CHD6: variants seen among roughly 807,000 people sequenced by gnomAD.
The protein encoded by CHD6 is chromodomain helicase DNA binding protein 6, also known as ATP-dependent chromatin remodeler CHD6.
In CHD6, 50 loss-of-function variants were observed where a neutral mutation model predicts 276.9. The ratio of observed to expected loss-of-function variants is 0.18; its 90% CI spans 0.14 to 0.23. The LOEUF is 0.23. CHD6 is among the 10% of genes least tolerant of loss of function. The probability of loss-of-function intolerance (pLI) is 1.00; values close to 1 mark genes in which losing one functional copy is unlikely to be tolerated. For synonymous variants in CHD6, 1,173 were observed against 1,229.3 expected, an observed-to-expected ratio of 0.95 and a Z score of 0.96; for missense variants, 2,564 against 3,365.8, an observed-to-expected ratio of 0.76 and a Z score of 5.89.
At position 41,455,867 on chromosome 20, in the gene CHD6, T is replaced by C; in HGVS notation, c.2942A>G (p.Gln981Arg). The change falls in exon 19 of 37, where the codon CAG becomes CGG. Residue 981 changes from glutamine (Q) to arginine (R), a missense_variant. Physicochemically the swap from Gln to Arg is conservative, Grantham distance 43. Around this residue, in one of 7 missense-constraint regions of CHD6, gnomAD observed 19 missense variants for 74.7 expected, o/e 0.25. Transcript: ENST00000373233. The part of the protein sequence containing the change: ...GSKFCEEDID[Q>R]ILQRRTHTIT... ...GGTGTGCGTTCGCCTCTGCAGAATC[T>C]GGTCTATGTCTTCTTCACAGAACTT... is the stretch of plus-strand genomic sequence containing the variant. 6.2e-7 allele frequency: 1 copy of C among 1,612,906 alleles called. No homozygotes were observed. Among genetic ancestry groups the C allele is most frequent in the Non-Finnish European group, 8.5e-7 (1 of 1,179,534 alleles).
At chr20:41,444,806 T>C (rs1330784837) in intron 25 of CHD6, among the ~76,000 whole-genome samples, 1 of 152,210 alleles carries the variant, frequency 6.6e-6, no homozygotes, top group African/African-American at 2.4e-5. Context: ...TTTGATACTA[T>C]ACCTCCTCCA....
intron 1 of CHD6, among the ~76,000 whole-genome samples, chr20:41,594,914 G>A (rs866944803): frequency 1.1e-4 from 16 of 152,216 alleles, no homozygotes; most frequent in African/African-American, 2.9e-4. Context: ...TCTTGTGATC[G>A]GACAGGTGCA....
chr20:41,524,625 C>T (rs993115401), intron 3 of CHD6, among the ~76,000 whole-genome samples: 4 of 152,172 alleles, frequency 2.6e-5, no homozygotes, highest in African/African-American at 9.7e-5. Flanking sequence ...TTGACTGATG[C>T]CTCTCTAACC....
Position 41,599,237 on chromosome 20 carries a change from G to A in CHD6, c.-24+19103C>T, listed in dbSNP as rs552264697. Among the ~76,000 whole-genome samples the A allele has an allele frequency of 3.9e-5, 6 of 152,274 alleles. No homozygotes were observed. The South Asian group carries it at 8.3e-4, about 21-fold the overall frequency. On this transcript the variant is annotated intron_variant, in intron 1 of 36. Coordinates refer to ENST00000373233, the MANE Select transcript of CHD6 (RefSeq NM_032221.5). ...TAGCCCTGGACATGATATTAGCCAA[G>A]AAAGGTGGGAGTCTGTGTCATGATT...
chr20:41,532,979 G>A, intron 3 of CHD6, 71 bp downstream of exon 3: 1 of 1,499,348 alleles, frequency 6.7e-7, no homozygotes, highest in Non-Finnish European at 8.9e-7. Context: ...TAGGGGCTTG[G>A]GCTAATGCCA....
chr20:41,587,994 A>G (rs950175779), intron 1 of CHD6, among the ~76,000 whole-genome samples: 7 of 152,054 alleles, frequency 4.6e-5, no homozygotes, highest in African/African-American at 1.7e-4. Context: ...GGCATGGAAA[A>G]AGTAAGAGGG....
chr20:41,556,197 C>T (rs1568700306), intron 1 of CHD6, among the ~76,000 whole-genome samples: 1 of 152,036 alleles, frequency 6.6e-6, no homozygotes, highest in Non-Finnish European at 1.5e-5. Flanking sequence ...GCCGAGATGG[C>T]AGCAGTACAG....
At chr20:41,547,463 C>T in intron 2 of CHD6, 1 of 352,960 alleles carries the variant, frequency 2.8e-6, no homozygotes, top group South Asian at 2.4e-5. Context: ...GAGTCGTATA[C>T]CTGAGGTGCA....
intron 5 of CHD6, among the ~76,000 whole-genome samples, chr20:41,507,569 T>C (rs986191696): frequency 1.2e-4 from 18 of 152,170 alleles, no homozygotes; most frequent in Non-Finnish European, 2.9e-5. Context: ...ATCTTTTTTT[T>C]CCTGAACAGA....
intron 1 of CHD6, among the ~76,000 whole-genome samples, chr20:41,564,443 G>C: frequency 6.6e-6 from 1 of 152,130 alleles, no homozygotes. Flanking sequence ...TATACTGTAT[G>C]ATTTCATTTA....
chr20:41,462,355 C>A (rs2042821879), intron 17 of CHD6, among the ~76,000 whole-genome samples: 1 of 152,172 alleles, frequency 6.6e-6, no homozygotes, highest in Non-Finnish European at 1.5e-5. Flanking sequence ...TTACAACTCA[C>A]TCAAAACATA....
At chr20:41,549,998 G>C (rs1254096716) in intron 2 of CHD6, among the ~76,000 whole-genome samples, 1 of 152,090 alleles carries the variant, frequency 6.6e-6, no homozygotes, top group African/African-American at 2.4e-5. Flanking sequence ...ACGGGGTTTT[G>C]CCATGTTGGC....
At chr20:41,546,320 T>G (rs931943104) in intron 2 of CHD6, among the ~76,000 whole-genome samples, 1 of 152,150 alleles carries the variant, frequency 6.6e-6, no homozygotes, top group African/African-American at 2.4e-5. Context: ...CTTACCCAAC[T>G]CTTGGCATGG....
chr20:41,462,285 T>C (rs1209957882), intron 17 of CHD6, among the ~76,000 whole-genome samples: 1 of 152,222 alleles, frequency 6.6e-6, no homozygotes, highest in Non-Finnish European at 1.5e-5. Flanking sequence ...TTCAACCACA[T>C]CAATATCAGT....
At chr20:41,597,921 TC>T (rs1252704780) in intron 1 of CHD6, among the ~76,000 whole-genome samples, 1 of 152,128 alleles carries the variant, frequency 6.6e-6, no homozygotes, top group Non-Finnish European at 1.5e-5. Context: ...ACTGGGGAGT[TC>T]CCTTAGACTT....
chr20:41,413,002 T>C (rs748992870), intron 35 of CHD6, among the ~76,000 whole-genome samples: 139 of 152,360 alleles, frequency 9.1e-4, no homozygotes, highest in Admixed American at 3.2e-3. Flanking sequence ...GCAGAGTTTA[T>C]GCAACCTAAA....
rs143137649 is a variant in CHD6, at chr20:41,587,907, G to A, written c.-24+30433C>T. ...AAATGGAATGTACCAAAAGAATAAAGCATTAAGCAATAGGAGTAAACGCTG... is the reference window on the plus strand; with the variant it reads ...AAATGGAATGTACCAAAAGAATAAAACATTAAGCAATAGGAGTAAACGCTG... On this transcript the variant is annotated intron_variant, in intron 1 of 36. Transcript: ENST00000373233. 3.9e-5 allele frequency among the ~76,000 whole-genome samples: 6 copies of A among 152,194 alleles called. No homozygotes were observed. The East Asian group carries it at 9.7e-4, about 24-fold the overall frequency.
chr20:41,512,727 C>T, intron 5 of CHD6, 119 bp downstream of exon 5: 1 of 1,162,610 alleles, frequency 8.6e-7, no homozygotes, highest in Non-Finnish European at 1.2e-6. Flanking sequence ...CAATCGAAGG[C>T]CACAAGCAGC....
intron 3 of CHD6, among the ~76,000 whole-genome samples, chr20:41,532,689 A>G (rs997744242): frequency 6.6e-6 from 1 of 152,074 alleles, no homozygotes; most frequent in Non-Finnish European, 1.5e-5. Context: ...ACATATAAAC[A>G]TGGGATATAG....
Sources: gnomAD v4.1 joint callset for allele counts (sites outside exome capture counted in the v4.1 genomes callset) on GRCh38, gnomAD v4.1.1 for gene constraint, gnomAD v4.1.1 regional missense constraint, MANE v1.5 for transcripts, NCBI Gene and HGNC (gene_info 2026-07-23, HGNC 2026-07-21) for gene names.